The following RAB24 variants were observed in gnomAD, a reference collection of about 807,000 sequenced individuals.
The protein encoded by RAB24 is RAB24, member RAS oncogene family.
In RAB24, 9 loss-of-function variants were observed where a neutral mutation model predicts 31.4. That is an observed-to-expected ratio of 0.29 (90% CI 0.17 to 0.50). The LOEUF is 0.50. Ranked by LOEUF, RAB24 falls within the 20% of genes least tolerant of loss-of-function variation. RAB24 has a pLI of 0.98. For missense variants in RAB24, 197 were observed against 265.2 expected, an observed-to-expected ratio of 0.74 and a Z score of 1.79; for synonymous variants, 106 against 94.1, an observed-to-expected ratio of 1.13 and a Z score of -0.73.
Position 177,303,182 on chromosome 5 carries a change from G to A in RAB24, c.107C>T (p.Pro36Leu). Residue 36 changes from proline to leucine, a missense_variant, in exon 1 of 8, where the codon CCT becomes CTT. Physicochemically the swap from Pro to Leu is moderately conservative, Grantham distance 98. Around this residue, in one of 2 missense-constraint regions of RAB24, gnomAD observed 49 missense variants for 105.5 expected, o/e 0.46. Coordinates refer to ENST00000303251, the MANE Select transcript of RAB24 (RefSeq NM_001031677.4). This position sits in a 1 kb window ranked among gnomAD's most constrained non-coding sequence, Gnocchi z 6.1. ...RYVHDRFLVGPYQNTIGAAFV... is the reference protein window; with the variant it reads ...RYVHDRFLVGLYQNTIGAAFV... ...TCCGGATGCACTCACGTTCTGATAA[G>A]GCCCCACCAGAAAGCGGTCGTGCAC... 6.2e-7 allele frequency: 1 copy of A among 1,613,618 alleles called. No homozygotes were observed. Among genetic ancestry groups the A allele is most frequent in the Non-Finnish European group, 8.5e-7 (1 of 1,179,976 alleles).
intron 7 of RAB24, 40 bp downstream of exon 7, chr5:177,301,885 G>A (rs777336934): frequency 1.9e-5 from 30 of 1,612,616 alleles, no homozygotes; most frequent in Admixed American, 5.0e-5. Flanking sequence ...GATGCTGTGG[G>A]CCTAGAGTAA....
rs1760743165 is a variant in RAB24 at position 177,303,181 on chromosome 5, A to G, written c.108T>C (p.Pro36=). 2 of 1,613,748 alleles carry G rather than the reference A, an allele frequency of 1.2e-6. No individual in the cohort carries two copies. The highest frequency in any genetic ancestry group is 3.3e-5 in the Admixed American group (2 of 60,026). ...CTCCGGATGCACTCACGTTCTGATA[A>G]GGCCCCACCAGAAAGCGGTCGTGCA... ...RYVHDRFLVG[P]YQNTIGAAFV... The change falls in exon 1 of 8, where the codon CCT becomes CCC. Residue 36 remains proline, a synonymous_variant. Transcript: ENST00000303251. The surrounding 1 kb of genome is among the most constrained non-coding windows in gnomAD (Gnocchi z 6.1).
Position 177,303,496 on chromosome 5 carries a change from G to A in RAB24, c.-208C>T, listed in dbSNP as rs1305144086. On this transcript the variant is annotated 5_prime_UTR_variant, in exon 1 of 8. Coordinates refer to ENST00000303251, the MANE Select transcript of RAB24 (RefSeq NM_001031677.4). The surrounding 1 kb of genome is among the most constrained non-coding windows in gnomAD (Gnocchi z 6.1). The stretch of plus-strand genomic sequence containing the variant: ...CGTGTGCCCCCGCTGTTCGGCCCCG[G>A]GCGCCGATTATCCTTCGAAGACCCC... 2 of 605,560 alleles carry A rather than the reference G, an allele frequency of 3.3e-6. No homozygotes were observed. The highest frequency in any genetic ancestry group is 1.9e-5 in the African/African-American group (1 of 53,876). 37.5% of individuals were successfully genotyped at this position (605,560 alleles called of 1,614,324 possible). A position where few individuals can be genotyped will look rare whatever the true frequency, so the allele number is the denominator to read the frequency against.
chr5:177,302,971 G>C (rs1272396903), intron 2 of RAB24, 38 bp downstream of exon 2: 3 of 1,607,898 alleles, frequency 1.9e-6, no homozygotes, highest in African/African-American at 1.3e-5. Context: ...ACCTCCTCAG[G>C]AATGAGTCTC....
chr5:177,302,306 C>T (rs1760704077), intron 5 of RAB24, 91 bp downstream of exon 5: 2 of 1,563,902 alleles, frequency 1.3e-6, no homozygotes, highest in South Asian at 2.2e-5. Flanking sequence ...CCTAGAGCAC[C>T]TTGCCCTGGC....
rs911716206 is a variant in RAB24 at position 177,303,676 on chromosome 5, G to C, written c.-388C>G. The C allele has an allele frequency of 1.1e-5, 4 of 370,570 alleles. No homozygotes were observed. The highest frequency in any genetic ancestry group is 1.9e-5 in the Non-Finnish European group (4 of 206,420). 23.0% of individuals were successfully genotyped at this position (370,570 alleles called of 1,614,324 possible). A position where few individuals can be genotyped will look rare whatever the true frequency, so the allele number is the denominator to read the frequency against. On this transcript the variant is annotated 5_prime_UTR_variant, in exon 1 of 8. Coordinates refer to ENST00000303251, the MANE Select transcript of RAB24 (RefSeq NM_001031677.4). The surrounding 1 kb of genome is among the most constrained non-coding windows in gnomAD (Gnocchi z 6.1). The stretch of plus-strand genomic sequence containing the variant: ...CGAACCTGGGGTCTCCCGCAACCCG[G>C]CTCCTACCCGCAGCGCCGCGACTCC...
At chr5:177,302,304 ACCT>A in intron 5 of RAB24, 90 bp downstream of exon 5, 1 of 1,557,086 alleles carries the variant, frequency 6.4e-7, no homozygotes, top group Non-Finnish European at 8.9e-7. Flanking sequence ...CTCCTAGAGC[ACCT>A]TGCCCTGGCA....
chr5:177,302,041 T>C, intron 6 of RAB24, 54 bp from the exon 7 acceptor site: 3 of 1,610,582 alleles, frequency 1.9e-6, no homozygotes, highest in Non-Finnish European at 2.5e-6. Flanking sequence ...CCCTGGGATC[T>C]CCCAGTGACC....
Position 177,301,479 on chromosome 5 carries a change from A to G in RAB24, c.*264T>C. ...GATGCACAGTGCACTGATTTTATTT[A>G]CAGATCAAAAGCCACTTAAATAATC... On this transcript the variant is annotated 3_prime_UTR_variant, in exon 8 of 8. Coordinates refer to ENST00000303251, the MANE Select transcript of RAB24 (RefSeq NM_001031677.4). 3.8e-6 allele frequency: 2 copies of G among 533,270 alleles called. No homozygotes were observed. Among genetic ancestry groups the G allele is most frequent in the Non-Finnish European group, 6.8e-6 (2 of 296,146 alleles). 33.0% of individuals were successfully genotyped at this position (533,270 alleles called of 1,614,324 possible). A position where few individuals can be genotyped will look rare whatever the true frequency, so the allele number is the denominator to read the frequency against.
At position 177,301,210 on chromosome 5, in the gene RAB24, G is replaced by T; in HGVS notation, c.*533C>A. 1.2e-5 allele frequency: 2 copies of T among 164,280 alleles called. No individual in the cohort carries two copies. The highest frequency in any genetic ancestry group is 2.7e-5 in the Non-Finnish European group (2 of 73,936). 10.2% of individuals were successfully genotyped at this position (164,280 alleles called of 1,614,324 possible). A position where few individuals can be genotyped will look rare whatever the true frequency, so the allele number is the denominator to read the frequency against. On this transcript the variant is annotated 3_prime_UTR_variant, in exon 8 of 8. Transcript: ENST00000303251. ...AGACCAACCTGTCTCAGGTAGGAATGCTTGACCCTTTTATTTCGAAGCAAC... is the reference window on the plus strand; with the variant it reads ...AGACCAACCTGTCTCAGGTAGGAATTCTTGACCCTTTTATTTCGAAGCAAC...
chr5:177,303,117 T>C lies in RAB24; in HGVS notation c.118-40A>G, dbSNP rs201194362. On this transcript the variant is annotated intron_variant, in intron 1 of 7. Coordinates refer to ENST00000303251, the MANE Select transcript of RAB24 (RefSeq NM_001031677.4). This position sits in a 1 kb window ranked among gnomAD's most constrained non-coding sequence, Gnocchi z 6.1. Reference sequence around the variant, plus strand: ...AAGAGATCGGGGCCATAGGTGCAGATTACCGGCCCCCCACTCCCCCGCCCA... The same window carrying C: ...AAGAGATCGGGGCCATAGGTGCAGACTACCGGCCCCCCACTCCCCCGCCCA... 3.1e-4 allele frequency: 495 copies of C among 1,613,306 alleles called. No homozygotes were observed. Among genetic ancestry groups the C allele is most frequent in the Non-Finnish European group, 4.0e-4 (477 of 1,179,708 alleles).
rs1195292831 is a variant in RAB24 at position 177,303,448 on chromosome 5, G to A, written c.-160C>T. 1 of 660,908 alleles carries A rather than the reference G, an allele frequency of 1.5e-6. No individual in the cohort carries two copies. Among genetic ancestry groups the A allele is most frequent in the African/African-American group, 1.8e-5 (1 of 55,134 alleles). The allele number at this position is 660,908 out of a possible 1,614,324, so 40.9% of individuals were successfully genotyped here. On this transcript the variant is annotated 5_prime_UTR_variant, in exon 1 of 8. Coordinates refer to ENST00000303251, the MANE Select transcript of RAB24 (RefSeq NM_001031677.4). The surrounding 1 kb of genome is among the most constrained non-coding windows in gnomAD (Gnocchi z 6.1). ...CGCGTCGGGCTCGAGCTCTGGCCGT[G>A]GCCTTGCACTTCGGCAGCGCCCCGT...
chr5:177,303,162 A>G lies in RAB24; in HGVS notation c.117+10T>C, dbSNP rs763253143. 3 of 1,612,834 alleles carry G rather than the reference A, an allele frequency of 1.9e-6. No homozygotes were observed. Among genetic ancestry groups the G allele is most frequent in the African/African-American group, 2.7e-5 (2 of 74,844 alleles). On this transcript the variant is annotated intron_variant, in intron 1 of 7. Coordinates refer to ENST00000303251, the MANE Select transcript of RAB24 (RefSeq NM_001031677.4). This position sits in a 1 kb window ranked among gnomAD's most constrained non-coding sequence, Gnocchi z 6.1. ...CGCCCACCGTGCCTGGCCCCTCCGGATGCACTCACGTTCTGATAAGGCCCC... is the reference window on the plus strand; with the variant it reads ...CGCCCACCGTGCCTGGCCCCTCCGGGTGCACTCACGTTCTGATAAGGCCCC...
intron 5 of RAB24, 72 bp from the exon 6 acceptor site, chr5:177,302,250 C>T: frequency 6.3e-7 from 1 of 1,587,376 alleles, no homozygotes; most frequent in Non-Finnish European, 8.6e-7. Flanking sequence ...GCTAGCAGTT[C>T]AGGGAGTCTC....
At position 177,302,974 on chromosome 5, in the gene RAB24, T is replaced by C. The variant is rs200003729; in HGVS notation, c.186+35A>G. The C allele has an allele frequency of 5.6e-6, 9 of 1,608,456 alleles. No individual in the cohort carries two copies. In the East Asian group the frequency reaches 2.0e-4, roughly 36 times the overall value. ...GGCAGGACCTACACCTCCTCAGGAATGAGTCTCCCAAGAATAGATGGCCGG... is the reference window on the plus strand; with the variant it reads ...GGCAGGACCTACACCTCCTCAGGAACGAGTCTCCCAAGAATAGATGGCCGG... On this transcript the variant is annotated intron_variant, in intron 2 of 7. Transcript: ENST00000303251.
At position 177,301,746 on chromosome 5, in the gene RAB24, G is replaced by T. The variant is rs1760658921; in HGVS notation, c.609C>A (p.His203Gln). The change falls in exon 8 of 8, where the codon CAC (histidine) becomes CAA (glutamine). Residue 203 changes from histidine (H) to glutamine (Q), a missense_variant. By Grantham distance (24) the His-to-Gln change is conservative. Coordinates refer to ENST00000303251, the MANE Select transcript of RAB24 (RefSeq NM_001031677.4). ...CCCAGGCCAGGTGAGTGCTGACTCA[G>T]TGATGACAACAGCTGTAGAAGTAGG... is the stretch of plus-strand genomic sequence containing the variant. ...PNPYFYSCCH[H>Q] The T allele has an allele frequency of 3.1e-6, 5 of 1,614,200 alleles. No individual in the cohort carries two copies. The East Asian group carries it at 1.1e-4, about 36-fold the overall frequency.
In RAB24 at chr5:177,302,442, T is replaced by A. The variant is rs1240805338; in HGVS notation, c.388A>T (p.Arg130Trp). ...TKSDLLEEDR[R>W]RRRVDFHDVQ... ...TCGTGGAAGTCCACACGTCGACGCC[T>A]CCGGTCTTCTTCCAGCAGGTCACTC... The change falls in exon 5 of 8, where the codon AGG becomes TGG. Residue 130 changes from arginine to tryptophan, a missense_variant. Arg to Trp is a moderately radical substitution (Grantham distance 101). Coordinates refer to ENST00000303251, the MANE Select transcript of RAB24 (RefSeq NM_001031677.4). 2 of 1,613,694 alleles carry A rather than the reference T, an allele frequency of 1.2e-6. No homozygotes were observed. Among genetic ancestry groups the A allele is most frequent in the Non-Finnish European group, 8.5e-7 (1 of 1,180,038 alleles).
chr5:177,301,687 G>C lies in RAB24; in HGVS notation c.*56C>G. On this transcript the variant is annotated 3_prime_UTR_variant, in exon 8 of 8. Coordinates refer to ENST00000303251, the MANE Select transcript of RAB24 (RefSeq NM_001031677.4). ...GACTACCCAAGCCCAGAAAGGAGCTGGGTCCAGCCCTTACGGGGAATTCCT... is the reference window on the plus strand; with the variant it reads ...GACTACCCAAGCCCAGAAAGGAGCTCGGTCCAGCCCTTACGGGGAATTCCT... 1 of 1,594,392 alleles carries C rather than the reference G, an allele frequency of 6.3e-7. No homozygotes were observed. Among genetic ancestry groups the C allele is most frequent in the Non-Finnish European group, 8.6e-7 (1 of 1,162,400 alleles).
Position 177,301,652 on chromosome 5 carries a change from T to C in RAB24, c.*91A>G, listed in dbSNP as rs774313546. The C allele has an allele frequency of 1.4e-6, 2 of 1,443,054 alleles. No homozygotes were observed. Among genetic ancestry groups the C allele is most frequent in the Non-Finnish European group, 1.9e-6 (2 of 1,028,952 alleles). 89.4% of individuals were successfully genotyped at this position (1,443,054 alleles called of 1,614,324 possible). A position where few individuals can be genotyped will look rare whatever the true frequency, so the allele number is the denominator to read the frequency against. Reference sequence around the variant, plus strand: ...TGCTGACATGAGGACCTGGGGTAGCTCAGACATTTGACTACCCAAGCCCAG... The same window carrying C: ...TGCTGACATGAGGACCTGGGGTAGCCCAGACATTTGACTACCCAAGCCCAG... On this transcript the variant is annotated 3_prime_UTR_variant, in exon 8 of 8. Transcript: ENST00000303251.
Sources: gnomAD v4.1 joint callset for allele counts on GRCh38, gnomAD v4.1.1 for gene constraint, gnomAD v4.1.1 regional missense constraint, Gnocchi (gnomAD v3.1) non-coding constraint, MANE v1.5 for transcripts, NCBI Gene and HGNC (gene_info 2026-07-23, HGNC 2026-07-21) for gene names.